Variants in PDE1C observed in about 807,000 individuals in gnomAD.
PDE1C encodes the protein dual specificity calcium/calmodulin-dependent 3',5'-cyclic nucleotide phosphodiesterase 1C.
PDE1C carries 62 observed loss-of-function variants against 93.1 expected under a neutral mutation model. The observed-to-expected ratio is 0.67, with a 90% CI of 0.54 to 0.82. The LOEUF (loss-of-function observed/expected upper bound fraction) is 0.82. PDE1C is among the 40% of genes least tolerant of loss of function. PDE1C has a pLI of 0.00. For missense variants in PDE1C, 742 were observed against 884.6 expected (o/e 0.84, Z 2.04); for synonymous variants, 325 against 310.1 (o/e 1.05, Z -0.50).
intron 11 of PDE1C, among the ~76,000 whole-genome samples, chr7:31,830,103 T>C (rs1244906613): frequency 1.3e-5 from 2 of 152,158 alleles, no homozygotes; most frequent in African/African-American, 4.8e-5. Context: ...TTACATGCTT[T>C]GTATTTAATT....
chr7:32,231,911 G>A (rs1346361969), intron 1 of PDE1C, among the ~76,000 whole-genome samples: 3 of 151,488 alleles, frequency 2.0e-5, no homozygotes, highest in Non-Finnish European at 4.4e-5. Flanking sequence ...AAGAGTCTTT[G>A]AAAATATTCA....
intron 3 of PDE1C, among the ~76,000 whole-genome samples, chr7:32,098,229 C>CA (rs60146342): frequency 0.05 from 2,292 of 46,226 alleles, 205 homozygotes; most frequent in Admixed American, 0.11. Context: ...GACTCCGTCT[C>CA]AAAAAAAAAA....
At chr7:31,640,736 A>G in the PDE1C span, among the ~76,000 whole-genome samples, 1 of 152,160 alleles carries the variant, frequency 6.6e-6, no homozygotes, top group Admixed American at 6.5e-5. Flanking sequence ...TTCCAGAAGC[A>G]GAAGTCTCAT....
At chr7:31,941,845 T>C (rs1262389032) in intron 2 of PDE1C, among the ~76,000 whole-genome samples, 1 of 152,222 alleles carries the variant, frequency 6.6e-6, no homozygotes, top group Admixed American at 6.5e-5. Flanking sequence ...TCAGGGTTCC[T>C]ATGCTGGTCA....
Position 31,855,536 on chromosome 7 carries a change from G to C in PDE1C, c.751-4795C>G, listed in dbSNP as rs1316440844. 2.0e-5 allele frequency among the ~76,000 whole-genome samples: 3 copies of C among 151,872 alleles called. No homozygotes were observed. In the South Asian group the frequency reaches 6.2e-4, roughly 32 times the overall value. On this transcript the variant is annotated intron_variant, in intron 7 of 17. Transcript: ENST00000396191. The stretch of plus-strand genomic sequence containing the variant: ...ACACCAGAGAACAAAGGTTGCAGGA[G>C]CCAAATGTCTACCAATAACAACCCC...
chr7:31,864,795 A>G (rs1344322271), intron 7 of PDE1C, 147 bp downstream of exon 7: 7 of 744,568 alleles, frequency 9.4e-6, no homozygotes, highest in South Asian at 4.2e-5. Context: ...AAGACTTTCC[A>G]TATTGGTTAG....
the PDE1C span, among the ~76,000 whole-genome samples, chr7:31,680,739 G>A: frequency 0.12 from 18,855 of 151,932 alleles, 1,859 homozygotes; most frequent in East Asian, 0.44. Context: ...GTCTCCATTC[G>A]ACAAGACAAA....
intron 2 of PDE1C, among the ~76,000 whole-genome samples, chr7:31,927,413 C>A (rs189632788): frequency 1.0e-3 from 159 of 152,272 alleles, no homozygotes; most frequent in Non-Finnish European, 2.2e-3. Flanking sequence ...CTGAAGAGAG[C>A]AGTGGATTTA....
chr7:31,826,739 A>C (rs1562873661), intron 12 of PDE1C, among the ~76,000 whole-genome samples: 1 of 152,192 alleles, frequency 6.6e-6, no homozygotes, highest in African/African-American at 2.4e-5. Context: ...GAGGCAGTCA[A>C]CTACTTTCCT....
the PDE1C span, chr7:31,658,309 T>TC: frequency 1.3e-6 from 2 of 1,520,956 alleles, no homozygotes; most frequent in Admixed American, 4.2e-5. Flanking sequence ...CTTTTTTTTT[T>TC]CTTCAAAAGC....
At chr7:32,303,261 G>A (rs1812920053), upstream of PDE1C, among the ~76,000 whole-genome samples, 1 of 152,136 alleles carries the variant, frequency 6.6e-6, no homozygotes, top group African/African-American at 2.4e-5. Flanking sequence ...GAAACCAAGA[G>A]TTCTAGCTAA....
At chr7:31,976,917 G>A (rs913519674) in intron 2 of PDE1C, among the ~76,000 whole-genome samples, 1 of 152,090 alleles carries the variant, frequency 6.6e-6, no homozygotes, top group African/African-American at 2.4e-5. Context: ...TCAAAGGGTG[G>A]TCCCAGGACA....
intron 2 of PDE1C, among the ~76,000 whole-genome samples, chr7:32,198,152 T>A (rs1804747738): frequency 6.6e-6 from 1 of 152,204 alleles, no homozygotes; most frequent in African/African-American, 2.4e-5. Flanking sequence ...AGGACGTATA[T>A]GATAAATTCT....
At chr7:32,312,508 C>A (rs1409376182) in intron 1 of PDE1C, among the ~76,000 whole-genome samples, 1 of 151,810 alleles carries the variant, frequency 6.6e-6, no homozygotes, top group Non-Finnish European at 1.5e-5. Context: ...TCAAACTATA[C>A]TACAAGGCTA....
intron 1 of PDE1C, among the ~76,000 whole-genome samples, chr7:32,317,896 T>A (rs752566663): frequency 1.3e-5 from 2 of 152,212 alleles, no homozygotes; most frequent in Admixed American, 1.3e-4. Flanking sequence ...CTTGTCACCA[T>A]GTTTTTGCCC....
chr7:32,090,125 A>C (rs1797384750), intron 3 of PDE1C, among the ~76,000 whole-genome samples: 2 of 152,212 alleles, frequency 1.3e-5, no homozygotes, highest in South Asian at 4.1e-4. Flanking sequence ...AATACTACAC[A>C]GCTGAAAATA....
chr7:32,204,301 T>C (rs1360940529), intron 2 of PDE1C, among the ~76,000 whole-genome samples: 1 of 152,212 alleles, frequency 6.6e-6, no homozygotes. Context: ...CAGACCGCTA[T>C]TAGCCACAAG....
intron 1 of PDE1C, among the ~76,000 whole-genome samples, chr7:32,216,288 C>G (rs113136823): frequency 6.6e-6 from 1 of 152,140 alleles, no homozygotes; most frequent in South Asian, 2.1e-4. Context: ...CCCCCTTCCT[C>G]TAGTCCCCAT....
intron 2 of PDE1C, among the ~76,000 whole-genome samples, chr7:31,966,553 G>C (rs1239948967): frequency 2.6e-5 from 4 of 152,266 alleles, no homozygotes; most frequent in Non-Finnish European, 5.9e-5. Flanking sequence ...AGATCAATGA[G>C]ACAGAACATT....
Sources: allele counts gnomAD v4.1 joint callset (sites outside exome capture counted in the v4.1 genomes callset), GRCh38; gene constraint gnomAD v4.1.1; transcripts MANE v1.5; gene names NCBI Gene and HGNC (gene_info 2026-07-23, HGNC 2026-07-21).